Variants in PTPRO observed in about 807,000 individuals in gnomAD.
PTPRO encodes protein tyrosine phosphatase receptor type O, also known as receptor-type tyrosine-protein phosphatase O.
In PTPRO, 62 loss-of-function variants were observed where a neutral mutation model predicts 145.2. The ratio of observed to expected loss-of-function variants is 0.43; its 90% confidence interval spans 0.35 to 0.53. PTPRO has a LOEUF of 0.53. PTPRO is among the 20% of genes least tolerant of loss of function. The pLI is 0.01. For missense variants in PTPRO, 1,345 were observed against 1,482.7 expected, an observed-to-expected ratio of 0.91 and a Z score of 1.53; for synonymous variants, 565 against 514.7, an observed-to-expected ratio of 1.10 and a Z score of -1.32.
At chr12:15,329,759 G>C (rs970625356) in intron 1 of PTPRO, among the ~76,000 whole-genome samples, 2 of 152,224 alleles carry the variant, frequency 1.3e-5, no homozygotes, top group African/African-American at 4.8e-5. Flanking sequence ...GGACACAGAT[G>C]ATGGTCATTA....
At chr12:15,532,298 T>C (rs573021153) in intron 12 of PTPRO, among the ~76,000 whole-genome samples, 9 of 152,178 alleles carry the variant, frequency 5.9e-5, no homozygotes, top group Non-Finnish European at 1.2e-4. Context: ...ATATGCCTTT[T>C]CATGACAACT....
At chr12:15,476,594 CT>C (rs1486663752) in intron 1 of PTPRO, among the ~76,000 whole-genome samples, 1 of 151,278 alleles carries the variant, frequency 6.6e-6, no homozygotes, top group Non-Finnish European at 1.5e-5. Context: ...TCAATTTTGG[CT>C]TTTGTTGCCA....
intron 14 of PTPRO, among the ~76,000 whole-genome samples, chr12:15,550,921 A>C (rs1351517572): frequency 6.6e-6 from 1 of 152,190 alleles, no homozygotes; most frequent in East Asian, 1.9e-4. Flanking sequence ...TATAGAGTAC[A>C]TGAAAAGGAC....
At chr12:15,399,418 G>A (rs1939428880) in intron 1 of PTPRO, among the ~76,000 whole-genome samples, 2 of 152,182 alleles carry the variant, frequency 1.3e-5, no homozygotes, top group African/African-American at 4.8e-5. Context: ...GTTGGAGCTA[G>A]GAGTTGAATC....
At chr12:15,474,914 C>T (rs774992820) in intron 1 of PTPRO, among the ~76,000 whole-genome samples, 5 of 152,312 alleles carry the variant, frequency 3.3e-5, no homozygotes, top group Non-Finnish European at 4.4e-5. Flanking sequence ...CTGCCTAGAT[C>T]GCACTTGGCC....
At chr12:15,568,972 T>C (rs912897741) in intron 18 of PTPRO, among the ~76,000 whole-genome samples, 1 of 152,232 alleles carries the variant, frequency 6.6e-6, no homozygotes, top group South Asian at 2.1e-4. Context: ...GTAACTACTG[T>C]ATTTTATGGA....
chr12:15,393,687 C>A (rs1939255329), intron 1 of PTPRO, among the ~76,000 whole-genome samples: 1 of 151,302 alleles, frequency 6.6e-6, no homozygotes. Context: ...AACATACAGG[C>A]AACTTGCCAG....
intron 1 of PTPRO, chr12:15,440,172 C>T: frequency 1.5e-6 from 1 of 685,896 alleles, no homozygotes; most frequent in South Asian, 1.6e-5. Context: ...CTCATGATGG[C>T]TGGTATCAAT....
intron 1 of PTPRO, among the ~76,000 whole-genome samples, chr12:15,436,219 A>T (rs1428677282): frequency 6.6e-6 from 1 of 152,232 alleles, no homozygotes; most frequent in Non-Finnish European, 1.5e-5. Context: ...TAAAAGAACT[A>T]GAGAAGCAAG....
intron 23 of PTPRO, 124 bp downstream of exon 23, chr12:15,581,925 GT>G: frequency 2.3e-6 from 3 of 1,300,690 alleles, no homozygotes; most frequent in Non-Finnish European, 3.2e-6. Flanking sequence ...AAAATATCGA[GT>G]GTGGAGTGGG....
intron 15 of PTPRO, among the ~76,000 whole-genome samples, chr12:15,552,903 G>A (rs984643623): frequency 3.4e-5 from 5 of 145,800 alleles, no homozygotes; most frequent in Admixed American, 1.4e-4. Flanking sequence ...AGGTTCAAGC[G>A]ATTCTTCTGC....
intron 1 of PTPRO, among the ~76,000 whole-genome samples, chr12:15,414,383 C>G (rs1031917233): frequency 4.6e-5 from 7 of 152,210 alleles, no homozygotes; most frequent in Non-Finnish European, 7.3e-5. Context: ...CAGAACAGGA[C>G]ACCTCATCTA....
intron 1 of PTPRO, among the ~76,000 whole-genome samples, chr12:15,461,310 C>G (rs977287010): frequency 6.6e-6 from 1 of 152,104 alleles, no homozygotes; most frequent in African/African-American, 2.4e-5. Context: ...CCATTTTGGA[C>G]CAAACCAATG....
intron 12 of PTPRO, among the ~76,000 whole-genome samples, chr12:15,531,713 C>A (rs897309896): frequency 6.6e-6 from 1 of 152,050 alleles, no homozygotes; most frequent in South Asian, 2.1e-4. Flanking sequence ...AGTGGCAACC[C>A]AAAACTAAAT....
intron 1 of PTPRO, among the ~76,000 whole-genome samples, chr12:15,357,026 T>G (rs1331603364): frequency 1.3e-5 from 2 of 152,152 alleles, no homozygotes; most frequent in Admixed American, 6.5e-5. Flanking sequence ...GTCACCTTGG[T>G]GACAGCAGTT....
At position 15,578,579 on chromosome 12, in the gene PTPRO, CT is replaced by C. The variant is rs538939914; in HGVS notation, c.2830-272del. On this transcript the variant is annotated intron_variant, in intron 19 of 26. Transcript: ENST00000281171. ...TGCCTCCTCATTCTCGGACTAGCAG[CT>C]TCCCTGGGCATGTCTTTTTCAGGGT... Among the ~76,000 whole-genome samples the C allele has an allele frequency of 5.9e-5, 9 of 152,298 alleles. No homozygotes were observed. The East Asian group carries it at 1.7e-3, about 29-fold the overall frequency.
At chr12:15,561,800 G>C (rs779659477) in intron 17 of PTPRO, among the ~76,000 whole-genome samples, 5 of 152,050 alleles carry the variant, frequency 3.3e-5, no homozygotes, top group Non-Finnish European at 7.4e-5. Context: ...TAAAATGAAA[G>C]AAAGATGCAT....
intron 13 of PTPRO, among the ~76,000 whole-genome samples, chr12:15,547,294 T>C (rs1943319549): frequency 6.6e-6 from 1 of 152,134 alleles, no homozygotes; most frequent in South Asian, 2.1e-4. Flanking sequence ...GCAGATACGA[T>C]AAACAGAGTT....
intron 24 of PTPRO, among the ~76,000 whole-genome samples, chr12:15,588,447 T>C (rs1944475412): frequency 6.6e-6 from 1 of 152,174 alleles, no homozygotes; most frequent in Non-Finnish European, 1.5e-5. Flanking sequence ...CACATAGAAC[T>C]AGGGACTGTG....
Sources: gnomAD v4.1 joint callset for allele counts (sites outside exome capture counted in the v4.1 genomes callset) on GRCh38, gnomAD v4.1.1 for gene constraint, MANE v1.5 for transcripts, NCBI Gene and HGNC (gene_info 2026-07-23, HGNC 2026-07-21) for gene names.